The following ZNF341 variants were observed in gnomAD, a reference collection of about 807,000 sequenced individuals.
The protein encoded by ZNF341 is zinc finger protein 341.
Under a neutral mutation model 87.7 loss-of-function variants are expected in ZNF341, and 52 were observed. That is an observed-to-expected ratio of 0.59 (90% confidence interval 0.47 to 0.75). ZNF341 has a LOEUF of 0.75. Ranked by LOEUF, ZNF341 falls within the 30% of genes least tolerant of loss-of-function variation. The pLI is 0.00. For missense variants in ZNF341, 977 were observed against 1,145.9 expected (o/e 0.85, Z 2.13); for synonymous variants, 459 against 472.7 (o/e 0.97, Z 0.38).
At chr20:33,780,216 G>T (rs976007614) in intron 10 of ZNF341, among the ~76,000 whole-genome samples, 1 of 151,996 alleles carries the variant, frequency 6.6e-6, no homozygotes, top group African/African-American at 2.4e-5. Context: ...CAGTGCCAAG[G>T]CCCTGAGGTG....
chr20:33,766,442 G>A (rs565952898), intron 8 of ZNF341, among the ~76,000 whole-genome samples: 8 of 152,138 alleles, frequency 5.3e-5, no homozygotes, highest in East Asian at 3.9e-4. Context: ...TGATCCGTCC[G>A]CCTTGACCTC....
At chr20:33,765,687 A>G (rs1276407677) in intron 8 of ZNF341, among the ~76,000 whole-genome samples, 1 of 152,018 alleles carries the variant, frequency 6.6e-6, no homozygotes, top group Non-Finnish European at 1.5e-5. Flanking sequence ...CCTAAAGAAT[A>G]AATAATTTCT....
chr20:33,733,460 A>G (rs941063999), intron 1 of ZNF341, among the ~76,000 whole-genome samples: 1 of 150,672 alleles, frequency 6.6e-6, no homozygotes, highest in African/African-American at 2.4e-5. Context: ...CATGGACTCG[A>G]TCTCGTGACC....
intron 13 of ZNF341, 102 bp downstream of exon 13, chr20:33,789,076 T>A: frequency 2.5e-6 from 2 of 784,754 alleles, no homozygotes; most frequent in South Asian, 1.9e-5. Context: ...GGCAGGCCTC[T>A]CCTTTTTTTT....
At chr20:33,773,415 G>A (rs1030478813) in intron 10 of ZNF341, among the ~76,000 whole-genome samples, 5 of 152,188 alleles carry the variant, frequency 3.3e-5, no homozygotes, top group Non-Finnish European at 5.9e-5. Flanking sequence ...GGCCCAATGA[G>A]CCAGGCCCCC....
chr20:33,759,686 A>G (rs1425913101), intron 7 of ZNF341, among the ~76,000 whole-genome samples: 1 of 152,222 alleles, frequency 6.6e-6, no homozygotes, highest in African/African-American at 2.4e-5. Flanking sequence ...AGGAAGTCAT[A>G]GAGAAAACCT....
intron 1 of ZNF341, among the ~76,000 whole-genome samples, chr20:33,736,313 G>T (rs900670295): frequency 1.3e-5 from 2 of 151,746 alleles, no homozygotes; most frequent in Non-Finnish European, 2.9e-5. Flanking sequence ...AGAGAAAGAC[G>T]CCTGACCTAA....
intron 10 of ZNF341, among the ~76,000 whole-genome samples, chr20:33,777,908 G>A (rs1317675934): frequency 6.6e-6 from 1 of 152,050 alleles, no homozygotes; most frequent in Non-Finnish European, 1.5e-5. Flanking sequence ...AGGTTATTCT[G>A]TAGAATGTCC....
At position 33,766,900 on chromosome 20, in the gene ZNF341, A is replaced by T. The variant is rs1431394636; in HGVS notation, c.1272A>T (p.Thr424=). The part of the protein sequence containing the change: ...PGAPQPQALS[T]AGEEEGDKPE... ...CGCCACAGCCCCAGGCCTTGTCCAC[A>T]GCTGGTGAGGAAGAGGGGGACAAGC... Residue 424 remains threonine (T), a synonymous_variant, in exon 9 of 15, where the codon ACA becomes ACT. Transcript: ENST00000375200. The T allele has an allele frequency of 6.2e-7, 1 of 1,614,006 alleles. No homozygotes were observed. Among genetic ancestry groups the T allele is most frequent in the Non-Finnish European group, 8.5e-7 (1 of 1,179,998 alleles).
In ZNF341 at chr20:33,767,028, A is replaced by G. The variant is rs1392254256; in HGVS notation, c.1400A>G (p.His467Arg). 6.2e-7 allele frequency: 1 copy of G among 1,613,222 alleles called. No individual in the cohort carries two copies. The highest frequency in any genetic ancestry group is 8.5e-7 in the Non-Finnish European group (1 of 1,179,518). ...YFQLKSHMTQ[H>R]KNEQVYKCVV... is the part of the protein sequence containing the mutation. ...CAGCTCAAGTCTCACATGACCCAGC[A>G]TAAGAATGAGCAGGTAGGTGGATGG... The change falls in exon 9 of 15, where the codon CAT becomes CGT. Residue 467 changes from histidine to arginine, a missense_variant. By Grantham distance (29) the His-to-Arg change is conservative (BLOSUM62 0). Transcript: ENST00000375200.
At chr20:33,768,218 G>T (rs113863845) in intron 9 of ZNF341, among the ~76,000 whole-genome samples, 5,738 of 151,966 alleles carry the variant, frequency 0.038, 383 homozygotes, top group African/African-American at 0.13. Context: ...CACCTCCCAC[G>T]TTCAAGGGAT....
At chr20:33,772,451 A>C (rs1447461598) in intron 10 of ZNF341, among the ~76,000 whole-genome samples, 1 of 152,180 alleles carries the variant, frequency 6.6e-6, no homozygotes, top group African/African-American at 2.4e-5. Flanking sequence ...AGATAAGTAA[A>C]TACCTTGAGC....
At chr20:33,784,047 C>CCCCCGTCTCCCTCCTCCT (rs2019798537) in intron 12 of ZNF341, among the ~76,000 whole-genome samples, 183 bp downstream of exon 12, 1 of 135,510 alleles carries the variant, frequency 7.4e-6, no homozygotes, top group African/African-American at 2.8e-5. Context: ...TCTCTCTCAG[C>CCCCCGTCTCCCTCCTCCT]CCCCGTCTCC....
intron 1 of ZNF341, among the ~76,000 whole-genome samples, chr20:33,734,623 T>C (rs191859746): frequency 1.4e-4 from 21 of 152,326 alleles, no homozygotes; most frequent in African/African-American, 4.6e-4. Context: ...CCTGGTGCCC[T>C]GTTCTCCTTG....
chr20:33,757,375 C>G (rs767706447), intron 6 of ZNF341, 32 bp downstream of exon 6: 1 of 1,449,600 alleles, frequency 6.9e-7, no homozygotes, highest in Non-Finnish European at 9.1e-7. Flanking sequence ...GGCATCTTTC[C>G]TCAACATTGG....
chr20:33,756,582 G>T (rs2019183937), intron 5 of ZNF341, among the ~76,000 whole-genome samples: 1 of 152,042 alleles, frequency 6.6e-6, no homozygotes, highest in Admixed American at 6.6e-5. Context: ...TGGCCAGGCT[G>T]GTCTCAAACT....
At chr20:33,775,616 C>G (rs928363936) in intron 10 of ZNF341, among the ~76,000 whole-genome samples, 9 of 151,820 alleles carry the variant, frequency 5.9e-5, no homozygotes, top group African/African-American at 2.2e-4. Context: ...ATTCTCCATC[C>G]ACTGTGACCC....
At chr20:33,764,561 A>ATTTTTTTTTTTT (rs1164096634) in intron 8 of ZNF341, among the ~76,000 whole-genome samples, 4 of 28,410 alleles carry the variant, frequency 1.4e-4, no homozygotes, top group Non-Finnish European at 2.7e-4. Flanking sequence ...ATATATATAT[A>ATTTTTTTTTTTT]TTTTTTTTTT....
rs765471699 is a variant in ZNF341, at chr20:33,783,912, CT to C, written c.1852+49del. On this transcript the variant is annotated intron_variant, in intron 12 of 14. Transcript: ENST00000375200. ...CTCCAGCCCAGCCCCTCCCCTCCCC[CT>C]CCCCCTCTCCTCATGCCTTTCTCTC... is the stretch of plus-strand genomic sequence containing the variant. 110 of 1,554,380 alleles carry C rather than the reference CT, an allele frequency of 7.1e-5. 1 individual carries two copies. In the South Asian group the frequency reaches 1.1e-3, roughly 16 times the overall value.
Sources: allele counts gnomAD v4.1 joint callset (sites outside exome capture counted in the v4.1 genomes callset), GRCh38; gene constraint gnomAD v4.1.1; transcripts MANE v1.5; gene names NCBI Gene and HGNC (gene_info 2026-07-23, HGNC 2026-07-21).